Variants in CEP85L observed in about 807,000 individuals in gnomAD.
CEP85L encodes the protein centrosomal protein 85L, also known as centrosomal protein of 85 kDa-like.
Under a neutral mutation model 100.3 loss-of-function variants are expected in CEP85L, and 60 were observed. The ratio of observed to expected loss-of-function variants is 0.60; its 90% CI spans 0.49 to 0.74. The LOEUF (loss-of-function observed/expected upper bound fraction) is 0.74, where lower values mean the gene tolerates loss of function less well. Ranked by LOEUF, CEP85L falls within the 30% of genes least tolerant of loss-of-function variation. The pLI is 0.00. For missense variants in CEP85L, 973 were observed against 936.2 expected (o/e 1.04, Z -0.51); for synonymous variants, 319 against 322.7 (o/e 0.99, Z 0.12).
intron 10 of CEP85L, among the ~76,000 whole-genome samples, chr6:118,471,540 G>T (rs1772953813): frequency 6.6e-6 from 1 of 151,666 alleles, no homozygotes; most frequent in Non-Finnish European, 1.5e-5. Context: ...TCTTTGGATG[G>T]AGTAAAAAAA....
chr6:118,534,141 T>C (rs1049719389), intron 3 of CEP85L, among the ~76,000 whole-genome samples: 1 of 152,080 alleles, frequency 6.6e-6, no homozygotes, highest in African/African-American at 2.4e-5. Flanking sequence ...ACCACATTAA[T>C]AGACCAATTA....
chr6:118,520,675 C>T (rs539241266), intron 4 of CEP85L, among the ~76,000 whole-genome samples: 54 of 152,312 alleles, frequency 3.5e-4, no homozygotes, highest in Non-Finnish European at 5.9e-4. Flanking sequence ...ACCAACCTCT[C>T]TGTATTCGCT....
intron 1 of CEP85L, among the ~76,000 whole-genome samples, chr6:118,680,201 G>A (rs1776604820): frequency 1.3e-5 from 2 of 150,382 alleles, no homozygotes; most frequent in Non-Finnish European, 2.9e-5. Context: ...GCTGAGGTGA[G>A]AGGATCACTT....
At chr6:118,562,859 T>C (rs1329228300) in intron 3 of CEP85L, among the ~76,000 whole-genome samples, 1 of 152,202 alleles carries the variant, frequency 6.6e-6, no homozygotes, top group Non-Finnish European at 1.5e-5. Context: ...ATTTCACTAC[T>C]GTCTGGGAGA....
At chr6:118,515,952 G>T (rs771147194) in intron 4 of CEP85L, among the ~76,000 whole-genome samples, 1 of 152,082 alleles carries the variant, frequency 6.6e-6, no homozygotes, top group Non-Finnish European at 1.5e-5. Context: ...CCCTGTGTCA[G>T]TGTGTTCTCA....
chr6:118,657,672 A>G (rs889455580), intron 1 of CEP85L, among the ~76,000 whole-genome samples: 1 of 152,200 alleles, frequency 6.6e-6, no homozygotes, highest in East Asian at 1.9e-4. Flanking sequence ...ACTTGGGCAC[A>G]TGGAACTCTG....
chr6:118,472,802 C>T (rs754365592), intron 10 of CEP85L, among the ~76,000 whole-genome samples: 1 of 152,150 alleles, frequency 6.6e-6, no homozygotes, highest in Non-Finnish European at 1.5e-5. Flanking sequence ...CAAACACCTA[C>T]AACAGCTCTC....
chr6:118,521,205 G>A (rs1459173827), intron 4 of CEP85L, among the ~76,000 whole-genome samples: 1 of 152,126 alleles, frequency 6.6e-6, no homozygotes, highest in African/African-American at 2.4e-5. Context: ...GTCTGGCTCT[G>A]AAATAGCCTC....
chr6:118,506,241 T>C (rs1478041977), intron 5 of CEP85L, among the ~76,000 whole-genome samples: 1 of 152,116 alleles, frequency 6.6e-6, no homozygotes, highest in African/African-American at 2.4e-5. Flanking sequence ...AGGAGATAAC[T>C]TGGACAGTCT....
At chr6:118,670,364 G>T (rs533586191) in intron 1 of CEP85L, among the ~76,000 whole-genome samples, 1 of 151,762 alleles carries the variant, frequency 6.6e-6, no homozygotes, top group Non-Finnish European at 1.5e-5. Flanking sequence ...ATAGTTTTTC[G>T]ATCCTCACCC....
At chr6:118,656,677 T>G (rs979214507), upstream of CEP85L, 5 of 152,268 alleles carry the variant, frequency 3.3e-5, no homozygotes, top group Non-Finnish European at 5.9e-5. Flanking sequence ...GGCATATATG[T>G]GATAATTTAA....
At chr6:118,545,581 C>T (rs1002469830) in intron 3 of CEP85L, among the ~76,000 whole-genome samples, 2 of 151,962 alleles carry the variant, frequency 1.3e-5, no homozygotes, top group African/African-American at 4.8e-5. Context: ...AGTGAGACTC[C>T]GCACCCCCTT....
intron 2 of CEP85L, chr6:118,589,234 T>A (rs573807482): frequency 8.9e-6 from 2 of 225,212 alleles, no homozygotes; most frequent in African/African-American, 4.6e-5. Flanking sequence ...AGAGAAACTA[T>A]GAGACCATGA....
upstream of CEP85L, among the ~76,000 whole-genome samples, chr6:118,657,465 C>A (rs1462563114): frequency 6.6e-6 from 1 of 152,046 alleles, no homozygotes; most frequent in Non-Finnish European, 1.5e-5. Flanking sequence ...TAAAAAAATA[C>A]AAAAATTAGC....
chr6:118,623,305 A>G (rs999800531), intron 2 of CEP85L, among the ~76,000 whole-genome samples: 4 of 152,212 alleles, frequency 2.6e-5, no homozygotes, highest in Non-Finnish European at 4.4e-5. Flanking sequence ...GCCTAAGTCA[A>G]GAGGATTTCA....
chr6:118,692,897 GTTA>G (rs1777092789), intron 1 of CEP85L, among the ~76,000 whole-genome samples: 1 of 152,168 alleles, frequency 6.6e-6, no homozygotes, highest in African/African-American at 2.4e-5. Flanking sequence ...CATCACCCTT[GTTA>G]CTTAGAAGCA....
At chr6:118,509,154 T>C (rs1288031444) in intron 5 of CEP85L, among the ~76,000 whole-genome samples, 1 of 152,128 alleles carries the variant, frequency 6.6e-6, no homozygotes, top group Non-Finnish European at 1.5e-5. Flanking sequence ...CAAATACTAA[T>C]ATTTTTATTT....
chr6:118,696,609 G>A (rs1391778119), intron 1 of CEP85L, among the ~76,000 whole-genome samples: 1 of 152,198 alleles, frequency 6.6e-6, no homozygotes, highest in African/African-American at 2.4e-5. Context: ...AGGATCAATG[G>A]GGAAGAAGAA....
intron 1 of CEP85L, among the ~76,000 whole-genome samples, chr6:118,644,857 C>G (rs1775080672): frequency 1.3e-5 from 2 of 152,146 alleles, no homozygotes; most frequent in African/African-American, 4.8e-5. Flanking sequence ...CTGTTCTTGC[C>G]CCACTCCTCT....
Sources: allele counts gnomAD v4.1 joint callset (sites outside exome capture counted in the v4.1 genomes callset), GRCh38; gene constraint gnomAD v4.1.1; transcripts MANE v1.5; gene names NCBI Gene and HGNC (gene_info 2026-07-23, HGNC 2026-07-21).